The following PDE11A variants were observed in gnomAD, a reference collection of about 807,000 sequenced individuals.
The protein encoded by PDE11A is phosphodiesterase 11A.
PDE11A carries 100 observed loss-of-function variants against 100.5 expected under a neutral mutation model. The ratio of observed to expected loss-of-function variants is 1.00; its 90% CI spans 0.85 to 1.18. PDE11A has a LOEUF of 1.18. Ranked by LOEUF, PDE11A falls within the 50% of genes most tolerant of loss-of-function variation. PDE11A has a pLI of 0.00. For missense variants in PDE11A, 1,141 were observed against 1,152.6 expected, an observed-to-expected ratio of 0.99 and a Z score of 0.15; for synonymous variants, 381 against 420.8, an observed-to-expected ratio of 0.91 and a Z score of 1.16.
intron 19 of PDE11A, among the ~76,000 whole-genome samples, chr2:177,636,413 A>C (rs901594348): frequency 1.3e-5 from 2 of 152,294 alleles, no homozygotes; most frequent in Admixed American, 1.3e-4. Flanking sequence ...CTCTTACAGC[A>C]TATCAATCAT....
intron 9 of PDE11A, among the ~76,000 whole-genome samples, chr2:177,807,244 A>G (rs2082885529): frequency 6.6e-6 from 1 of 152,150 alleles, no homozygotes; most frequent in African/African-American, 2.4e-5. Flanking sequence ...ACGGAAGCCA[A>G]AAGACAGTGG....
At chr2:177,738,942 T>A (rs1318968348) in intron 10 of PDE11A, among the ~76,000 whole-genome samples, 1 of 152,214 alleles carries the variant, frequency 6.6e-6, no homozygotes, top group Non-Finnish European at 1.5e-5. Context: ...AGCACTTTAG[T>A]GTCAAACAGC....
chr2:177,820,848 A>C (rs568451314), intron 6 of PDE11A, among the ~76,000 whole-genome samples: 2 of 124,686 alleles, frequency 1.6e-5, no homozygotes, highest in East Asian at 4.6e-4. Context: ...TTCCTTCTGT[A>C]CCCCAAATAT....
intron 5 of PDE11A, among the ~76,000 whole-genome samples, chr2:177,855,084 A>G (rs1046927526): frequency 6.6e-6 from 1 of 152,158 alleles, no homozygotes; most frequent in Non-Finnish European, 1.5e-5. Flanking sequence ...TGAAATATGT[A>G]GCATATTTTT....
intron 15 of PDE11A, among the ~76,000 whole-genome samples, chr2:177,683,864 A>C (rs7589980): frequency 0.016 from 2,507 of 152,272 alleles, 68 homozygotes; most frequent in African/African-American, 0.057. Flanking sequence ...ACTGTCACTT[A>C]TTAGCTGTGT....
At chr2:177,733,741 G>A (rs993332148) in intron 10 of PDE11A, among the ~76,000 whole-genome samples, 7 of 152,196 alleles carry the variant, frequency 4.6e-5, no homozygotes, top group African/African-American at 1.4e-4. Context: ...GTGGTGATGT[G>A]GAAGGGACAG....
At chr2:177,805,251 C>T (rs964964152) in intron 9 of PDE11A, among the ~76,000 whole-genome samples, 2 of 152,054 alleles carry the variant, frequency 1.3e-5, no homozygotes, top group African/African-American at 4.8e-5. Context: ...TATGTCCCCT[C>T]TCAGATGCTC....
intron 5 of PDE11A, among the ~76,000 whole-genome samples, chr2:177,846,347 C>A (rs937703946): frequency 1.3e-5 from 2 of 152,154 alleles, no homozygotes; most frequent in South Asian, 2.1e-4. Flanking sequence ...CCATAGCAAA[C>A]ATTTTCTAAA....
intron 9 of PDE11A, among the ~76,000 whole-genome samples, chr2:177,792,654 A>G (rs747676158): frequency 1.3e-5 from 2 of 152,198 alleles, no homozygotes; most frequent in Admixed American, 6.5e-5. Context: ...CACTAGGGCC[A>G]CAGAAGTGAC....
chr2:177,771,626 T>C (rs2082311436), intron 9 of PDE11A, among the ~76,000 whole-genome samples: 1 of 152,166 alleles, frequency 6.6e-6, no homozygotes, highest in Admixed American at 6.5e-5. Context: ...TTATTTTTAA[T>C]TGGAAAAAAA....
At position 177,849,929 on chromosome 2, in the gene PDE11A, G is replaced by T. The variant is rs180927730; in HGVS notation, c.1368-9546C>A. 3.4e-3 allele frequency among the ~76,000 whole-genome samples: 513 copies of T among 152,278 alleles called. 2 individuals are homozygous for T. The highest frequency in any genetic ancestry group is 0.012 in the African/African-American group (483 of 41,556). On this transcript the variant is annotated intron_variant, in intron 5 of 19. Coordinates refer to ENST00000286063, the MANE Select transcript of PDE11A (RefSeq NM_016953.4). ...AACATTCCATGCTCAAGGATAGGAA[G>T]AATCAATATTGTGAAAATGGCCATA...
chr2:177,921,342 T>G (rs1434708612), intron 2 of PDE11A, among the ~76,000 whole-genome samples: 1 of 151,746 alleles, frequency 6.6e-6, no homozygotes, highest in Non-Finnish European at 1.5e-5. Flanking sequence ...ATATTATTTA[T>G]GATGGGATGC....
intron 10 of PDE11A, among the ~76,000 whole-genome samples, chr2:177,763,205 T>C (rs1290693469): frequency 2.6e-5 from 4 of 152,068 alleles, no homozygotes; most frequent in African/African-American, 9.7e-5. Context: ...GTCAATTTCC[T>C]GGTGAAGGTT....
intron 2 of PDE11A, among the ~76,000 whole-genome samples, chr2:178,081,696 G>A (rs778802599): frequency 5.3e-4 from 81 of 152,282 alleles, no homozygotes; most frequent in Non-Finnish European, 7.6e-4. Context: ...TTGTTTGTTT[G>A]TGGTAGTGAC....
At chr2:177,670,825 G>C (rs1214603991) in intron 17 of PDE11A, among the ~76,000 whole-genome samples, 2 of 151,798 alleles carry the variant, frequency 1.3e-5, no homozygotes, top group Admixed American at 6.6e-5. Context: ...CAAATATCCA[G>C]TAAGTTCAGA....
chr2:177,708,147 G>A (rs1022521088), intron 13 of PDE11A, among the ~76,000 whole-genome samples: 3 of 152,166 alleles, frequency 2.0e-5, no homozygotes, highest in African/African-American at 7.2e-5. Flanking sequence ...GCTGTTTAGT[G>A]CAGCATCAAG....
intron 9 of PDE11A, among the ~76,000 whole-genome samples, chr2:177,816,109 G>A (rs2083034309): frequency 6.6e-6 from 1 of 152,152 alleles, no homozygotes; most frequent in African/African-American, 2.4e-5. Context: ...TACTCGGGAG[G>A]CTGAGGCAGG....
At chr2:177,696,391 G>T (rs1434129128) in intron 15 of PDE11A, among the ~76,000 whole-genome samples, 1 of 152,160 alleles carries the variant, frequency 6.6e-6, no homozygotes, top group Non-Finnish European at 1.5e-5. Context: ...ATCTAGAAAA[G>T]AAGAGAGAAA....
intron 19 of PDE11A, among the ~76,000 whole-genome samples, chr2:177,643,347 G>A (rs564508383): frequency 6.6e-6 from 1 of 152,336 alleles, no homozygotes; most frequent in East Asian, 1.9e-4. Context: ...GTCTCAGATG[G>A]AGATGAGGAA....
Sources: gnomAD v4.1 joint callset for allele counts (sites outside exome capture counted in the v4.1 genomes callset) on GRCh38, gnomAD v4.1.1 for gene constraint, MANE v1.5 for transcripts, NCBI Gene and HGNC (gene_info 2026-07-23, HGNC 2026-07-21) for gene names.